SLC16A2: variants seen among roughly 807,000 people sequenced by gnomAD.
The protein encoded by SLC16A2 is monocarboxylate transporter 8.
SLC16A2 carries 3 observed loss-of-function variants against 27.2 expected under a neutral mutation model. The observed-to-expected ratio is 0.11, with a 90% CI of 0.05 to 0.28. The LOEUF is 0.28. SLC16A2 is among the 10% of genes least tolerant of loss of function. SLC16A2 has a pLI of 1.00. For missense variants in SLC16A2, 295 were observed against 458.5 expected (o/e 0.64, Z 3.26); for synonymous variants, 202 against 187.8 (o/e 1.08, Z -0.62).
intron 1 of SLC16A2, among the ~76,000 whole-genome samples, chrX:74,491,445 C>A (rs1426815026): frequency 8.9e-6 from 1 of 111,821 alleles, no homozygotes; most frequent in East Asian, 2.8e-4. Context: ...TTGTGGAGAC[C>A]AAAGTTTAAT....
At chrX:74,513,163 A>G (rs1274461020) in intron 1 of SLC16A2, among the ~76,000 whole-genome samples, 1 of 112,387 alleles carries the variant, frequency 8.9e-6, no homozygotes, top group Non-Finnish European at 1.9e-5. Context: ...GTCAGGAATC[A>G]GATACTTGCT....
intron 1 of SLC16A2, among the ~76,000 whole-genome samples, chrX:74,460,068 C>T (rs1176947483): frequency 8.9e-6 from 1 of 111,815 alleles, no homozygotes; most frequent in Non-Finnish European, 1.9e-5. Context: ...ATGGAGAAAG[C>T]AGCTGCATCT....
intron 1 of SLC16A2, among the ~76,000 whole-genome samples, chrX:74,479,534 CAT>C (rs1331945098): frequency 8.9e-6 from 1 of 112,498 alleles, no homozygotes; most frequent in Non-Finnish European, 1.9e-5. Context: ...TGAGGAGGTG[CAT>C]TCCTTCGGAG....
intron 1 of SLC16A2, among the ~76,000 whole-genome samples, chrX:74,510,498 G>T (rs1409654790): frequency 1.8e-5 from 2 of 112,417 alleles, no homozygotes; most frequent in Non-Finnish European, 3.8e-5. Flanking sequence ...ATTAAGTAGA[G>T]CCCAGTTACC....
chrX:74,448,446 A>C (rs1928878764), intron 1 of SLC16A2, among the ~76,000 whole-genome samples: 1 of 108,685 alleles, frequency 9.2e-6, no homozygotes, highest in Non-Finnish European at 1.9e-5. Flanking sequence ...AGAACACCTA[A>C]TATTATGTTC....
chrX:74,465,546 TG>T (rs956698477), intron 1 of SLC16A2, among the ~76,000 whole-genome samples: 1 of 111,444 alleles, frequency 9.0e-6, no homozygotes, highest in Non-Finnish European at 1.9e-5. Flanking sequence ...CTAGGCTGCC[TG>T]GGGAGTTGGG....
intron 1 of SLC16A2, among the ~76,000 whole-genome samples, chrX:74,431,360 G>A (rs1411035568): frequency 1.8e-5 from 2 of 112,043 alleles, no homozygotes; most frequent in African/African-American, 6.5e-5. Flanking sequence ...TATCCTAAGC[G>A]AATTAACAAA....
intron 1 of SLC16A2, among the ~76,000 whole-genome samples, chrX:74,445,053 T>C (rs191414208): frequency 2.9e-3 from 325 of 112,026 alleles, no homozygotes; most frequent in Admixed American, 5.1e-3. Flanking sequence ...AGAGATCTAT[T>C]TGGGAAGTTG....
chrX:74,456,877 A>C (rs1294955379), intron 1 of SLC16A2, among the ~76,000 whole-genome samples: 1 of 111,992 alleles, frequency 8.9e-6, no homozygotes, highest in Non-Finnish European at 1.9e-5. Flanking sequence ...CTCCTTTGTT[A>C]TACTGATAGA....
chrX:74,531,185 T>G (rs1403859086), intron 5 of SLC16A2, 148 bp from the exon 6 acceptor site: 6 of 516,977 alleles, frequency 1.2e-5, no homozygotes, highest in Non-Finnish European at 1.4e-5. Context: ...GCAGCCCCAA[T>G]GCCTTGAAGT....
At position 74,524,637 on chromosome X, in the gene SLC16A2, C is replaced by G; in HGVS notation, c.854C>G (p.Pro285Arg). 8.3e-7 allele frequency: 1 copy of G among 1,211,837 alleles called. No homozygotes were observed. The highest frequency in any genetic ancestry group is 1.1e-6 in the Non-Finnish European group (1 of 895,558). The part of the protein sequence containing the change: ...LLSLTYRPLL[P>R]SSQDTPSKRG... The stretch of plus-strand genomic sequence containing the variant: ...TCACTCACCTACCGGCCCCTCCTGC[C>G]CAGCTCCCAGGACACCCCAAGCAAG... Residue 285 changes from proline to arginine, a missense_variant, in exon 3 of 6, where the codon CCC becomes CGC. This residue lies in a region of SLC16A2 where 144 missense variants were observed against 219.8 expected (regional missense o/e 0.66). Transcript: ENST00000587091.
chrX:74,487,239 G>A (rs973983298), intron 1 of SLC16A2, among the ~76,000 whole-genome samples: 5 of 110,933 alleles, frequency 4.5e-5, no homozygotes, highest in African/African-American at 1.6e-4. Flanking sequence ...TGTGGGAGGG[G>A]CACCCATGTA....
intron 1 of SLC16A2, among the ~76,000 whole-genome samples, chrX:74,430,198 C>G (rs954567532): frequency 4.5e-5 from 5 of 112,064 alleles, no homozygotes; most frequent in African/African-American, 1.6e-4. Flanking sequence ...AGGTAGGTAC[C>G]ATTATTTCCT....
chrX:74,523,620 T>C (rs1439541976), intron 2 of SLC16A2, among the ~76,000 whole-genome samples: 1 of 111,416 alleles, frequency 9.0e-6, no homozygotes, highest in Admixed American at 9.5e-5. Context: ...GGCCCACAAA[T>C]TCTTTGAGGC....
intron 1 of SLC16A2, among the ~76,000 whole-genome samples, chrX:74,514,399 G>C (rs1459902654): frequency 1.8e-5 from 2 of 111,047 alleles, no homozygotes; most frequent in Non-Finnish European, 3.8e-5. Flanking sequence ...CTTGACCTTT[G>C]CCAACAAAGG....
intron 1 of SLC16A2, among the ~76,000 whole-genome samples, chrX:74,474,403 A>G (rs1199099292): frequency 9.1e-6 from 1 of 110,281 alleles, no homozygotes; most frequent in Non-Finnish European, 1.9e-5. Context: ...TCATCTTTGT[A>G]TATTGATTTT....
In SLC16A2 at chrX:74,517,277, A is replaced by AT. The variant is rs773048897; in HGVS notation, c.431-3704dup. On this transcript the variant is annotated intron_variant, in intron 1 of 5. Coordinates refer to ENST00000587091, the MANE Select transcript of SLC16A2 (RefSeq NM_006517.5). ...ATCTATAGTTATTTCACAATTAAAA[A>AT]TTTTTTTTTAAATGAAATAGATTAA... Among the ~76,000 whole-genome samples the AT allele has an allele frequency of 9.9e-5, 11 of 111,409 alleles. No individual in the cohort carries two copies. The South Asian group carries it at 1.1e-3, about 11-fold the overall frequency.
chrX:74,488,153 A>G (rs1425467635), intron 1 of SLC16A2, among the ~76,000 whole-genome samples: 1 of 111,866 alleles, frequency 8.9e-6, no homozygotes, highest in African/African-American at 3.2e-5. Flanking sequence ...TGTACTTTCA[A>G]AAAAATTACT....
intron 1 of SLC16A2, among the ~76,000 whole-genome samples, chrX:74,470,765 C>T (rs1223694531): frequency 1.8e-5 from 2 of 110,470 alleles, no homozygotes; most frequent in Non-Finnish European, 3.8e-5. Context: ...AGTGAAACCC[C>T]GTCTCTACTA....
Sources: allele counts gnomAD v4.1 joint callset (sites outside exome capture counted in the v4.1 genomes callset), GRCh38; gene constraint gnomAD v4.1.1; regional missense constraint gnomAD v4.1.1; transcripts MANE v1.5; gene names NCBI Gene and HGNC (gene_info 2026-07-23, HGNC 2026-07-21).